Variants in TMEM131 observed in about 807,000 individuals in gnomAD.
TMEM131 encodes transmembrane protein 131.
A neutral mutation model predicts 211.6 loss-of-function variants in TMEM131; 66 were observed. The ratio of observed to expected loss-of-function variants is 0.31; its 90% CI spans 0.26 to 0.38. TMEM131 has a LOEUF of 0.38. TMEM131 is among the 10% of genes least tolerant of loss of function. The pLI, the probability that TMEM131 is intolerant of heterozygous loss-of-function variation, is 1.00. For synonymous variants in TMEM131, 844 were observed against 841.3 expected (o/e 1.00, Z -0.06); for missense variants, 2,036 against 2,299.3 (o/e 0.89, Z 2.34).
chr2:97,825,132 G>A (rs1415429922), intron 11 of TMEM131, among the ~76,000 whole-genome samples: 1 of 152,168 alleles, frequency 6.6e-6, no homozygotes. Context: ...TTATGCCAAG[G>A]GTTTAGGGAT....
intron 4 of TMEM131, among the ~76,000 whole-genome samples, chr2:97,887,022 T>G (rs1319109959): frequency 2.0e-5 from 3 of 152,098 alleles, no homozygotes; most frequent in Non-Finnish European, 2.9e-5. Context: ...TGCAGTCTCA[T>G]GGCTTCTCAG....
chr2:97,831,366 C>G lies in TMEM131; in HGVS notation c.1074+1999G>C, dbSNP rs1022520174. ...GGTAGGGAACCCCAGTGGTCTGATT[C>G]ACTGCTGTATTCTCAGTCAGCATAG... On this transcript the variant is annotated intron_variant, in intron 11 of 40. Coordinates refer to ENST00000186436, the MANE Select transcript of TMEM131 (RefSeq NM_015348.2). 1.1e-4 allele frequency among the ~76,000 whole-genome samples: 16 copies of G among 152,176 alleles called. 1 individual carries two copies. Among genetic ancestry groups the G allele is most frequent in the Admixed American group, 9.2e-4 (14 of 15,276 alleles).
chr2:97,782,646 G>C (rs879216793), intron 31 of TMEM131, among the ~76,000 whole-genome samples: 1 of 152,072 alleles, frequency 6.6e-6, no homozygotes, highest in African/African-American at 2.4e-5. Context: ...AGAAATAGAA[G>C]CTAAAGAAGA....
intron 11 of TMEM131, among the ~76,000 whole-genome samples, chr2:97,822,349 C>T (rs535542306): frequency 6.6e-6 from 1 of 152,244 alleles, no homozygotes. Flanking sequence ...ATACGGGGAG[C>T]CTCAGAAACG....
intron 1 of TMEM131, among the ~76,000 whole-genome samples, chr2:97,978,256 C>T (rs890189663): frequency 2.6e-5 from 4 of 152,294 alleles, no homozygotes; most frequent in South Asian, 2.1e-4. Flanking sequence ...ACTACTTTAT[C>T]GACTAAGTTG....
intron 3 of TMEM131, among the ~76,000 whole-genome samples, chr2:97,889,088 T>A (rs1675276213): frequency 6.6e-6 from 1 of 152,148 alleles, no homozygotes; most frequent in Admixed American, 6.5e-5. Flanking sequence ...ATGGAGGAAA[T>A]TTGGCTTTAA....
At chr2:97,880,915 CA>C (rs1288107067) in intron 4 of TMEM131, among the ~76,000 whole-genome samples, 5 of 152,154 alleles carry the variant, frequency 3.3e-5, no homozygotes, top group Non-Finnish European at 5.9e-5. Context: ...CAATGGTTCA[CA>C]AGGGTATAGG....
chr2:97,947,454 A>G (rs1193866488), intron 1 of TMEM131, among the ~76,000 whole-genome samples: 1 of 152,080 alleles, frequency 6.6e-6, no homozygotes, highest in African/African-American at 2.4e-5. Flanking sequence ...CATATTTCTA[A>G]TAACAGCAAG....
intron 2 of TMEM131, among the ~76,000 whole-genome samples, chr2:97,914,059 A>G (rs1410540991): frequency 6.6e-6 from 1 of 152,162 alleles, no homozygotes; most frequent in African/African-American, 2.4e-5. Flanking sequence ...TATCAACCCA[A>G]TCTCCCCCAC....
chr2:97,889,349 G>T (rs1420139727), intron 3 of TMEM131, among the ~76,000 whole-genome samples: 1 of 152,036 alleles, frequency 6.6e-6, no homozygotes, highest in East Asian at 1.9e-4. Context: ...GCAACACAGT[G>T]TTGGCATCTA....
intron 3 of TMEM131, among the ~76,000 whole-genome samples, chr2:97,902,259 TA>T (rs1327908095): frequency 1.3e-4 from 20 of 152,158 alleles, no homozygotes; most frequent in Non-Finnish European, 2.5e-4. Flanking sequence ...ATTTTGACAA[TA>T]TACACTCAGA....
intron 2 of TMEM131, among the ~76,000 whole-genome samples, chr2:97,925,448 G>A (rs1015387286): frequency 3.3e-5 from 5 of 152,072 alleles, no homozygotes; most frequent in Non-Finnish European, 7.4e-5. Flanking sequence ...TGATCTTTAC[G>A]TATTCTGGAT....
chr2:97,933,560 G>A lies in TMEM131; in HGVS notation c.188-6073C>T, dbSNP rs538637062. On this transcript the variant is annotated intron_variant, in intron 1 of 40. Coordinates refer to ENST00000186436, the MANE Select transcript of TMEM131 (RefSeq NM_015348.2). ...GTGTTTGTATAACATTGTGATTAAT[G>A]CTACTGAATTGTACACTTAAAATAG... Among the ~76,000 whole-genome samples the A allele has an allele frequency of 5.9e-5, 9 of 152,136 alleles. No homozygotes were observed. In the East Asian group the frequency reaches 1.5e-3, roughly 26 times the overall value.
intron 3 of TMEM131, among the ~76,000 whole-genome samples, chr2:97,889,582 C>T (rs890241869): frequency 1.3e-5 from 2 of 148,334 alleles, no homozygotes; most frequent in Non-Finnish European, 3.0e-5. Flanking sequence ...ATATATATTC[C>T]TATAATGTAA....
At chr2:97,944,652 A>G (rs1295934376) in intron 1 of TMEM131, among the ~76,000 whole-genome samples, 1 of 152,210 alleles carries the variant, frequency 6.6e-6, no homozygotes, top group Non-Finnish European at 1.5e-5. Context: ...ATGGACAAGG[A>G]AACTGACTAG....
intron 31 of TMEM131, among the ~76,000 whole-genome samples, chr2:97,778,237 A>G (rs1255936526): frequency 2.0e-5 from 3 of 152,254 alleles, no homozygotes; most frequent in African/African-American, 7.2e-5. Context: ...AATACCTAAC[A>G]TAACAATAGT....
chr2:97,908,047 G>A (rs61363543), intron 3 of TMEM131, among the ~76,000 whole-genome samples: 10,981 of 150,642 alleles, frequency 0.073, 479 homozygotes, highest in Middle Eastern at 0.12. Flanking sequence ...CACCAGAACA[G>A]ACTTTCACCG....
intron 11 of TMEM131, chr2:97,827,197 T>A (rs1259256040): frequency 7.3e-6 from 5 of 683,764 alleles, no homozygotes. Flanking sequence ...TGAAGGCTCT[T>A]GGCGCGCCGC....
intron 4 of TMEM131, among the ~76,000 whole-genome samples, chr2:97,883,287 G>C (rs1397726658): frequency 6.6e-6 from 1 of 152,218 alleles, no homozygotes; most frequent in African/African-American, 2.4e-5. Flanking sequence ...GGAGCAGCAT[G>C]TAAATCCGCT....
Sources: gnomAD v4.1 joint callset for allele counts (sites outside exome capture counted in the v4.1 genomes callset) on GRCh38, gnomAD v4.1.1 for gene constraint, MANE v1.5 for transcripts, NCBI Gene and HGNC (gene_info 2026-07-23, HGNC 2026-07-21) for gene names.